Variants in TNPO2 observed in about 807,000 individuals in gnomAD.
TNPO2 encodes the protein transportin-2.
Under a neutral mutation model 111.1 loss-of-function variants are expected in TNPO2, and 16 were observed. The ratio of observed to expected loss-of-function variants is 0.14; its 90% CI spans 0.10 to 0.22. The LOEUF is 0.22. TNPO2 is among the 10% of genes least tolerant of loss of function. TNPO2 has a pLI of 1.00. For synonymous variants in TNPO2, 481 were observed against 475.8 expected, an observed-to-expected ratio of 1.01 and a Z score of -0.14; for missense variants, 530 against 1,173.7, an observed-to-expected ratio of 0.45 and a Z score of 8.01.
At position 12,706,188 on chromosome 19, in the gene TNPO2, G is replaced by A; in HGVS notation, c.1668+8C>T. On this transcript the variant is annotated splice_region_variant and intron_variant, in intron 15 of 25. Coordinates refer to ENST00000425528, the MANE Select transcript of TNPO2 (RefSeq NM_001382241.1). This position sits in a 1 kb window ranked among gnomAD's most constrained non-coding sequence, Gnocchi z 7.0. ...GATCGGGAGGCGGGAGCCGCTCTGG[G>A]GTCTCACCGGCTGGTTGAGGTGGTG... is the stretch of plus-strand genomic sequence containing the variant. 1 of 1,613,054 alleles carries A rather than the reference G, an allele frequency of 6.2e-7. No homozygotes were observed. Among genetic ancestry groups the A allele is most frequent in the Non-Finnish European group, 8.5e-7 (1 of 1,179,562 alleles).
chr19:12,703,842 C>G, intron 18 of TNPO2, 41 bp from the exon 19 acceptor site: 11 of 1,526,010 alleles, frequency 7.2e-6, no homozygotes, highest in Non-Finnish European at 9.8e-6. Context: ...GGCTCCCCTC[C>G]TTCTAACCAG....
At chr19:12,716,790 C>CA (rs2026386025) in intron 5 of TNPO2, among the ~76,000 whole-genome samples, 1 of 152,066 alleles carries the variant, frequency 6.6e-6, no homozygotes, top group Non-Finnish European at 1.5e-5. Flanking sequence ...ATATCTGAGC[C>CA]AAGGCCTGAA....
At position 12,702,299 on chromosome 19, in the gene TNPO2, C is replaced by G. The variant is rs1211397791; in HGVS notation, c.2306-122G>C. On this transcript the variant is annotated intron_variant, in intron 21 of 25. Transcript: ENST00000425528. This position sits in a 1 kb window ranked among gnomAD's most constrained non-coding sequence, Gnocchi z 5.5. ...GCCACCCTGGTCCCCCAAGCTTGGC[C>G]CAGCCAGGGGTCCTCCTCATCACAC... The G allele has an allele frequency of 2.5e-6, 2 of 797,542 alleles. No homozygotes were observed. Among genetic ancestry groups the G allele is most frequent in the Admixed American group, 4.3e-5 (2 of 46,114 alleles). The allele number at this position is 797,542 out of a possible 1,614,324, so 49.4% of individuals were successfully genotyped here.
chr19:12,715,593 C>G lies in TNPO2; in HGVS notation c.432+40G>C, dbSNP rs770192065. Reference sequence around the variant, plus strand: ...TGGGTGGTGGGTGGTGGTCCCAGCCCCCCAGTACTCGCTCTGGCCATCCAT... The same window carrying G: ...TGGGTGGTGGGTGGTGGTCCCAGCCGCCCAGTACTCGCTCTGGCCATCCAT... On this transcript the variant is annotated intron_variant, in intron 6 of 25. Transcript: ENST00000425528. The surrounding 1 kb of genome is among the most constrained non-coding windows in gnomAD (Gnocchi z 7.1). 6.2e-7 allele frequency: 1 copy of G among 1,613,554 alleles called. No homozygotes were observed.
Position 12,719,799 on chromosome 19 carries a change from G to GA in TNPO2, c.100-464dup, listed in dbSNP as rs568805777. 0.13 allele frequency among the ~76,000 whole-genome samples: 18,019 copies of GA among 141,430 alleles called. 3,243 individuals are homozygous for GA. Among genetic ancestry groups the GA allele is most frequent in the African/African-American group, 0.4 (15,581 of 38,716 alleles). The allele number at this position is 141,430 out of a possible 152,430, so 92.8% of individuals were successfully genotyped here. On this transcript the variant is annotated intron_variant, in intron 3 of 25. Coordinates refer to ENST00000425528, the MANE Select transcript of TNPO2 (RefSeq NM_001382241.1). This position sits in a 1 kb window ranked among gnomAD's most constrained non-coding sequence, Gnocchi z 5.0. The stretch of plus-strand genomic sequence containing the variant: ...GGGCGACAGAGCAAGACTCCATCTT[G>GA]AAAAAAAAAAAAATCATACAAGGAG...
chr19:12,703,891 C>A, intron 18 of TNPO2, 90 bp from the exon 19 acceptor site: 1 of 1,165,848 alleles, frequency 8.6e-7, no homozygotes, highest in Non-Finnish European at 1.2e-6. Flanking sequence ...CATGTCCAGC[C>A]TCTGCCACTT....
Position 12,702,590 on chromosome 19 carries a change from A to T in TNPO2, c.2305+233T>A, listed in dbSNP as rs2025388095. ...ACCATGTTGGCCAGGCTGGTCTCGAACTCCTGACTTCAGGTGATCTGCCTC... is the reference window on the plus strand; with the variant it reads ...ACCATGTTGGCCAGGCTGGTCTCGATCTCCTGACTTCAGGTGATCTGCCTC... On this transcript the variant is annotated intron_variant, in intron 21 of 25. Coordinates refer to ENST00000425528, the MANE Select transcript of TNPO2 (RefSeq NM_001382241.1). This position sits in a 1 kb window ranked among gnomAD's most constrained non-coding sequence, Gnocchi z 5.5. 6.6e-6 allele frequency among the ~76,000 whole-genome samples: 1 copy of T among 151,406 alleles called. No individual in the cohort carries two copies. The highest frequency in any genetic ancestry group is 6.6e-5 in the Admixed American group (1 of 15,212).
chr19:12,705,675 C>A lies in TNPO2; in HGVS notation c.1755+7G>T. 6.5e-7 allele frequency: 1 copy of A among 1,539,236 alleles called. No homozygotes were observed. Among genetic ancestry groups the A allele is most frequent in the East Asian group, 2.4e-5 (1 of 41,938 alleles). ...GGGTTTCGGGTGAGGGGCAGGAGCC[C>A]ACTCACCTCCAGCAGGGGGAAGAGG... On this transcript the variant is annotated splice_region_variant and intron_variant, in intron 16 of 25. Coordinates refer to ENST00000425528, the MANE Select transcript of TNPO2 (RefSeq NM_001382241.1). The surrounding 1 kb of genome is among the most constrained non-coding windows in gnomAD (Gnocchi z 7.2).
intron 10 of TNPO2, among the ~76,000 whole-genome samples, chr19:12,713,601 G>A (rs1340041295): frequency 6.6e-6 from 1 of 152,186 alleles, no homozygotes; most frequent in African/African-American, 2.4e-5. Flanking sequence ...ACAAGGTCAG[G>A]AAGCTGAGGC....
intron 13 of TNPO2, 133 bp downstream of exon 13, chr19:12,710,488 A>C: frequency 8.6e-6 from 9 of 1,044,154 alleles, no homozygotes; most frequent in East Asian, 2.9e-5. Context: ...CAAGGGGAGA[A>C]TTGAGATCTC....
chr19:12,712,019 A>G (rs1339851723), intron 10 of TNPO2, among the ~76,000 whole-genome samples: 2 of 152,154 alleles, frequency 1.3e-5, no homozygotes, highest in Non-Finnish European at 2.9e-5. Context: ...AGATATGATT[A>G]TATATGAATA....
chr19:12,703,634 A>G, intron 19 of TNPO2, 80 bp downstream of exon 19: 1 of 1,577,360 alleles, frequency 6.3e-7, no homozygotes, highest in African/African-American at 1.3e-5. Context: ...CAATGTGGTC[A>G]CAGTCATCCC....
rs957030319 is a variant in TNPO2, at chr19:12,699,712, T to A, written c.*1552A>T. 6.7e-6 allele frequency: 1 copy of A among 148,728 alleles called. No individual in the cohort carries two copies. Among genetic ancestry groups the A allele is most frequent in the Non-Finnish European group, 1.5e-5 (1 of 67,158 alleles). 9.2% of individuals were successfully genotyped at this position (148,728 alleles called of 1,614,324 possible). On this transcript the variant is annotated 3_prime_UTR_variant, in exon 26 of 26. Coordinates refer to ENST00000425528, the MANE Select transcript of TNPO2 (RefSeq NM_001382241.1). The stretch of plus-strand genomic sequence containing the variant: ...AGAGACCTGCTCGAGTTTCATGGGG[T>A]GGGCGTGCAGGGACACCCAGCTAAT...
At position 12,714,931 on chromosome 19, in the gene TNPO2, C is replaced by A. The variant is rs1262245401; in HGVS notation, c.780G>T (p.Leu260=). The change falls in exon 10 of 26, where the codon CTG becomes CTT. Residue 260 remains leucine, a synonymous_variant. Coordinates refer to ENST00000425528, the MANE Select transcript of TNPO2 (RefSeq NM_001382241.1). ...TCTCATCATGGTCCTGGGTCCTCTG[C>A]AGCATGTACTGTGGTAGGGGGGAGA... is the stretch of plus-strand genomic sequence containing the variant. ...PHMHSIIQYM[L]QRTQDHDENV... is the part of the protein sequence containing the mutation. 1 of 1,612,190 alleles carries A rather than the reference C, an allele frequency of 6.2e-7. No individual in the cohort carries two copies. The highest frequency in any genetic ancestry group is 8.5e-7 in the Non-Finnish European group (1 of 1,179,256).
At chr19:12,717,134 G>C (rs989708946) in intron 5 of TNPO2, among the ~76,000 whole-genome samples, 2 of 145,090 alleles carry the variant, frequency 1.4e-5, no homozygotes, top group African/African-American at 2.9e-5. Context: ...CCCTGCAATG[G>C]GTAGGTACAC....
rs1223423426 is a variant in TNPO2 at position 12,715,240 on chromosome 19, C to T, written c.648+3G>A. On this transcript the variant is annotated splice_donor_region_variant and intron_variant, in intron 8 of 25. Coordinates refer to ENST00000425528, the MANE Select transcript of TNPO2 (RefSeq NM_001382241.1). This position sits in a 1 kb window ranked among gnomAD's most constrained non-coding sequence, Gnocchi z 7.1. Reference sequence around the variant, plus strand: ...CCTGCCCACCCCCAGCCCAGCGGCCCACCTCGATGAAGGTGTCAATATTGT... The same window carrying T: ...CCTGCCCACCCCCAGCCCAGCGGCCTACCTCGATGAAGGTGTCAATATTGT... 1.9e-6 allele frequency: 3 copies of T among 1,613,722 alleles called. No homozygotes were observed. Among genetic ancestry groups the T allele is most frequent in the Non-Finnish European group, 1.7e-6 (2 of 1,179,796 alleles).
rs2145481694 is a variant in TNPO2, at chr19:12,705,161, A to C, written c.2022+79T>G. 7.0e-7 allele frequency: 1 copy of C among 1,420,490 alleles called. No individual in the cohort carries two copies. The highest frequency in any genetic ancestry group is 2.5e-5 in the East Asian group (1 of 40,350). The allele number at this position is 1,420,490 out of a possible 1,614,324, so 88.0% of individuals were successfully genotyped here. A position where few individuals can be genotyped will look rare whatever the true frequency, so the allele number is the denominator to read the frequency against. On this transcript the variant is annotated intron_variant, in intron 18 of 25. Transcript: ENST00000425528. The surrounding 1 kb of genome is among the most constrained non-coding windows in gnomAD (Gnocchi z 7.2). Reference sequence around the variant, plus strand: ...ACCTTTTCCCTGATTTCCTTTGGGCACAACCAGGCCCTGACTCCCCACCAG... The same window carrying C: ...ACCTTTTCCCTGATTTCCTTTGGGCCCAACCAGGCCCTGACTCCCCACCAG...
chr19:12,699,250 T>G lies in TNPO2; in HGVS notation c.*2014A>C. 2.2e-6 allele frequency: 1 copy of G among 444,634 alleles called. No homozygotes were observed. The highest frequency in any genetic ancestry group is 1.6e-5 in the South Asian group (1 of 62,698). The allele number at this position is 444,634 out of a possible 1,614,324, so 27.5% of individuals were successfully genotyped here. A position where few individuals can be genotyped will look rare whatever the true frequency, so the allele number is the denominator to read the frequency against. On this transcript the variant is annotated 3_prime_UTR_variant, in exon 26 of 26. Transcript: ENST00000425528. ...AACAAAGTTCTACACAAGTGGAATC[T>G]CACGCCACCTCGGCGCCAATCCCCA...
Position 12,702,556 on chromosome 19 carries a change from T to C in TNPO2, c.2305+267A>G. On this transcript the variant is annotated intron_variant, in intron 21 of 25. Coordinates refer to ENST00000425528, the MANE Select transcript of TNPO2 (RefSeq NM_001382241.1). The surrounding 1 kb of genome is among the most constrained non-coding windows in gnomAD (Gnocchi z 5.5). ...TAATTTTTGTATTTTTTAGTAGAGA[T>C]GGGGTTTCACCATGTTGGCCAGGCT... The C allele has an allele frequency of 3.8e-6, 2 of 519,974 alleles. No homozygotes were observed. Among genetic ancestry groups the C allele is most frequent in the South Asian group, 4.1e-5 (2 of 48,982 alleles). 32.2% of individuals were successfully genotyped at this position (519,974 alleles called of 1,614,324 possible).
Sources: allele counts gnomAD v4.1 joint callset (sites outside exome capture counted in the v4.1 genomes callset), GRCh38; gene constraint gnomAD v4.1.1; non-coding constraint Gnocchi (gnomAD v3.1); transcripts MANE v1.5; gene names NCBI Gene and HGNC (gene_info 2026-07-23, HGNC 2026-07-21).